PAPPA: variants seen among roughly 807,000 people sequenced by gnomAD.
PAPPA encodes the protein pappalysin-1.
A neutral mutation model predicts 164.0 loss-of-function variants in PAPPA; 60 were observed. The observed-to-expected ratio is 0.37, with a 90% confidence interval of 0.30 to 0.45. The LOEUF is 0.45. PAPPA is among the 20% of genes least tolerant of loss of function. The probability of loss-of-function intolerance (pLI) is 1.00; values close to 1 mark genes in which losing one functional copy is unlikely to be tolerated. For missense variants in PAPPA, 1,782 were observed against 2,087.3 expected (o/e 0.85, Z 2.85); for synonymous variants, 875 against 814.1 (o/e 1.07, Z -1.27).
intron 10 of PAPPA, among the ~76,000 whole-genome samples, chr9:116,312,616 T>G (rs1002725889): frequency 6.6e-6 from 1 of 152,196 alleles, no homozygotes; most frequent in African/African-American, 2.4e-5. Context: ...GATTTTGTTT[T>G]TATTTTTGTA....
intron 7 of PAPPA, among the ~76,000 whole-genome samples, chr9:116,260,083 A>G (rs1844983062): frequency 6.6e-6 from 1 of 152,210 alleles, no homozygotes; most frequent in South Asian, 2.1e-4. Flanking sequence ...TAAGTATAGT[A>G]TTGAAACATC....
chr9:116,194,158 A>G (rs1844076934), intron 2 of PAPPA, among the ~76,000 whole-genome samples: 1 of 152,238 alleles, frequency 6.6e-6, no homozygotes, highest in African/African-American at 2.4e-5. Context: ...GAATGAAAGA[A>G]TTCAGGTGAA....
intron 21 of PAPPA, among the ~76,000 whole-genome samples, chr9:116,395,528 G>A (rs1181303412): frequency 2.0e-5 from 3 of 152,162 alleles, no homozygotes; most frequent in Admixed American, 6.5e-5. Flanking sequence ...ATCTACTTGC[G>A]TTAGTTCAGG....
intron 21 of PAPPA, among the ~76,000 whole-genome samples, chr9:116,391,294 A>G (rs1401474533): frequency 6.6e-6 from 1 of 152,146 alleles, no homozygotes; most frequent in Non-Finnish European, 1.5e-5. Flanking sequence ...TCATGCCTTT[A>G]TCTACTTGGT....
chr9:116,218,780 A>G (rs1358592774), intron 4 of PAPPA, among the ~76,000 whole-genome samples: 1 of 152,150 alleles, frequency 6.6e-6, no homozygotes, highest in Non-Finnish European at 1.5e-5. Context: ...TGAAGTCAGG[A>G]CTGCCTGGGT....
chr9:116,296,883 C>A (rs1192395119), intron 9 of PAPPA, among the ~76,000 whole-genome samples: 1 of 151,726 alleles, frequency 6.6e-6, no homozygotes, highest in Non-Finnish European at 1.5e-5. Context: ...GAGACAGAGT[C>A]TTGCTCTGTC....
intron 2 of PAPPA, among the ~76,000 whole-genome samples, chr9:116,205,753 C>A (rs1844227470): frequency 6.6e-6 from 1 of 152,156 alleles, no homozygotes; most frequent in South Asian, 2.1e-4. Flanking sequence ...TTTACACTCT[C>A]TTTATTAACT....
At chr9:116,282,191 C>G (rs1218257590) in intron 9 of PAPPA, among the ~76,000 whole-genome samples, 2 of 152,194 alleles carry the variant, frequency 1.3e-5, no homozygotes. Flanking sequence ...TGCATGTAAC[C>G]TATGCACACC....
chr9:116,265,418 G>C (rs1845055362), intron 7 of PAPPA, among the ~76,000 whole-genome samples: 1 of 152,114 alleles, frequency 6.6e-6, no homozygotes, highest in African/African-American at 2.4e-5. Flanking sequence ...TTTCTGCTCA[G>C]GTCTTAAAAT....
chr9:116,399,324 A>T lies in PAPPA; in HGVS notation c.*2708A>T, dbSNP rs926311066. 6.6e-6 allele frequency: 1 copy of T among 152,664 alleles called. No homozygotes were observed. Among genetic ancestry groups the T allele is most frequent in the Non-Finnish European group, 1.5e-5 (1 of 68,048 alleles). 9.5% of individuals were successfully genotyped at this position (152,664 alleles called of 1,614,324 possible). On this transcript the variant is annotated 3_prime_UTR_variant, in exon 22 of 22. Coordinates refer to ENST00000328252, the MANE Select transcript of PAPPA (RefSeq NM_002581.5). The stretch of plus-strand genomic sequence containing the variant: ...CCAAGGATATTAGGCAAAAGAGGCT[A>T]CTTGATTGGTGGCCAACCTCGTGCC...
rs1172932363 is a variant in PAPPA at position 116,271,363 on chromosome 9, A to G, written c.2900A>G (p.Asn967Ser). The change falls in exon 9 of 22, where the codon AAT becomes AGT. Residue 967 changes from asparagine to serine, a missense_variant. Asn to Ser is a conservative substitution (Grantham distance 46). Around this residue, in one of 2 missense-constraint regions of PAPPA, gnomAD observed 1,324 missense variants for 1,656.9 expected, o/e 0.80. Coordinates refer to ENST00000328252, the MANE Select transcript of PAPPA (RefSeq NM_002581.5). This position sits in a 1 kb window ranked among gnomAD's most constrained non-coding sequence, Gnocchi z 4.2. ...CAATGCGACGACATGAATAAGATCA[A>G]TGGTGATGGCTGCTCCCTTTTCTGC... Reference protein sequence around the residue: ...GEQCDDMNKINGDGCSLFCRQ... With the variant: ...GEQCDDMNKISGDGCSLFCRQ... The G allele has an allele frequency of 1.7e-5, 28 of 1,613,996 alleles. No individual in the cohort carries two copies. The highest frequency in any genetic ancestry group is 4.0e-5 in the African/African-American group (3 of 74,940).
intron 8 of PAPPA, among the ~76,000 whole-genome samples, chr9:116,269,457 T>A (rs915621915): frequency 2.0e-5 from 3 of 152,162 alleles, no homozygotes; most frequent in Non-Finnish European, 4.4e-5. Context: ...ACTCTGTCAC[T>A]TCCTTTGGCA....
chr9:116,259,963 A>G (rs1178600931), intron 7 of PAPPA, among the ~76,000 whole-genome samples: 1 of 152,232 alleles, frequency 6.6e-6, no homozygotes, highest in African/African-American at 2.4e-5. Flanking sequence ...TGATATATTC[A>G]TATGGTAAAA....
At chr9:116,384,301 T>C (rs1193879258) in intron 21 of PAPPA, among the ~76,000 whole-genome samples, 1 of 149,092 alleles carries the variant, frequency 6.7e-6, no homozygotes, top group East Asian at 1.9e-4. Flanking sequence ...ATAATAATAA[T>C]AAAGTAGCCA....
At chr9:116,224,914 A>G (rs1844486964) in intron 5 of PAPPA, among the ~76,000 whole-genome samples, 1 of 150,230 alleles carries the variant, frequency 6.7e-6, no homozygotes, top group African/African-American at 2.5e-5. Flanking sequence ...ATGTGTAGAT[A>G]TAGGTATCCA....
chr9:116,165,354 A>G (rs1843709284), intron 1 of PAPPA, among the ~76,000 whole-genome samples: 1 of 152,092 alleles, frequency 6.6e-6, no homozygotes, highest in African/African-American at 2.4e-5. Context: ...TTCCGAAACA[A>G]TCATCTTTCC....
At chr9:116,235,697 G>A in intron 7 of PAPPA, 60 bp downstream of exon 7, 1 of 1,560,424 alleles carries the variant, frequency 6.4e-7, no homozygotes, top group Non-Finnish European at 8.8e-7. Context: ...GGAACGTGAG[G>A]TGGGTCAGAG....
intron 10 of PAPPA, among the ~76,000 whole-genome samples, chr9:116,324,962 T>C (rs1021132132): frequency 6.6e-6 from 1 of 152,138 alleles, no homozygotes; most frequent in Non-Finnish European, 1.5e-5. Flanking sequence ...ATGGGCAGCA[T>C]GGTGGGTGGA....
chr9:116,299,523 AC>A (rs1845552953), intron 9 of PAPPA, among the ~76,000 whole-genome samples: 1 of 152,186 alleles, frequency 6.6e-6, no homozygotes, highest in Non-Finnish European at 1.5e-5. Flanking sequence ...AAATTAAGTC[AC>A]TTTAGAGACT....
Sources: gnomAD v4.1 joint callset for allele counts (sites outside exome capture counted in the v4.1 genomes callset) on GRCh38, gnomAD v4.1.1 for gene constraint, gnomAD v4.1.1 regional missense constraint, Gnocchi (gnomAD v3.1) non-coding constraint, MANE v1.5 for transcripts, NCBI Gene and HGNC (gene_info 2026-07-23, HGNC 2026-07-21) for gene names.